Variants in NCDN observed in about 807,000 individuals in gnomAD.
NCDN encodes the protein norbin.
NCDN carries 9 observed loss-of-function variants against 60.7 expected under a neutral mutation model. The observed-to-expected ratio is 0.15, with a 90% CI of 0.09 to 0.26. NCDN has a LOEUF of 0.26. Among genes scored for constraint, NCDN ranks in the 10% least tolerant of loss-of-function variants. NCDN has a pLI of 1.00. For synonymous variants in NCDN, 409 were observed against 442.5 expected, an observed-to-expected ratio of 0.92 and a Z score of 0.95; for missense variants, 578 against 975.2, an observed-to-expected ratio of 0.59 and a Z score of 5.42.
intron 6 of NCDN, among the ~76,000 whole-genome samples, chr1:35,564,900 T>G (rs1472133917): frequency 1.3e-5 from 2 of 151,896 alleles, no homozygotes; most frequent in Non-Finnish European, 2.9e-5. Flanking sequence ...AGGGGTTCTC[T>G]CTCCCATCTG....
In NCDN at chr1:35,563,659, G is replaced by A. The variant is rs955245050; in HGVS notation, c.1611-108G>A. ...CCAATCTCTGCCCCCCAGATGCTAT[G>A]TTTGGGGCCCAAAGTTAATCACCCT... On this transcript the variant is annotated intron_variant, in intron 5 of 6. Transcript: ENST00000373243. This position sits in a 1 kb window ranked among gnomAD's most constrained non-coding sequence, Gnocchi z 6.6. 1 of 1,395,502 alleles carries A rather than the reference G, an allele frequency of 7.2e-7. No individual in the cohort carries two copies. The highest frequency in any genetic ancestry group is 1.4e-5 in the African/African-American group (1 of 69,652). The allele number at this position is 1,395,502 out of a possible 1,614,324, so 86.4% of individuals were successfully genotyped here. A position where few individuals can be genotyped will look rare whatever the true frequency, so the allele number is the denominator to read the frequency against.
chr1:35,563,895 T>G lies in NCDN; in HGVS notation c.1739T>G (p.Leu580Arg). ...ATLGLLMARL[L>R]STSPALQGTP... ...CTGGGGCTCCTCATGGCCCGGCTCC[T>G]TAGCACCTCTCCAGGTAAGAACTGG... The change falls in exon 6 of 7, where the codon CTT becomes CGT. Residue 580 changes from leucine to arginine, a missense_variant. This residue lies in a region of NCDN where 191 missense variants were observed against 372.1 expected (regional missense o/e 0.51). Coordinates refer to ENST00000373243, the MANE Select transcript of NCDN (RefSeq NM_014284.3). The surrounding 1 kb of genome is among the most constrained non-coding windows in gnomAD (Gnocchi z 6.6). 1.2e-6 allele frequency: 2 copies of G among 1,613,890 alleles called. No homozygotes were observed. Among genetic ancestry groups the G allele is most frequent in the Non-Finnish European group, 1.7e-6 (2 of 1,179,882 alleles).
intron 6 of NCDN, among the ~76,000 whole-genome samples, chr1:35,564,391 C>T (rs989031720): frequency 2.6e-5 from 4 of 152,046 alleles, no homozygotes; most frequent in African/African-American, 4.8e-5. Flanking sequence ...GGGGGAGGGA[C>T]GTCCCCTCCA....
In NCDN at chr1:35,561,183, G is replaced by T. The variant is rs1648693382; in HGVS notation, c.1032G>T (p.Gly344=). The T allele has an allele frequency of 1.2e-6, 2 of 1,607,650 alleles. No individual in the cohort carries two copies. Among genetic ancestry groups the T allele is most frequent in the Admixed American group, 1.7e-5 (1 of 58,366 alleles). Residue 344 remains glycine (G), a synonymous_variant, in exon 3 of 7, where the codon GGG becomes GGT. Transcript: ENST00000373243. The surrounding 1 kb of genome is among the most constrained non-coding windows in gnomAD (Gnocchi z 4.9). The part of the protein sequence containing the change: ...VTACYALMEL[G]IQECTRCEQS... The stretch of plus-strand genomic sequence containing the variant: ...CCTGCTATGCCCTCATGGAGTTGGG[G>T]ATCCAGGAATGCACTCGCTGTGAGC...
Position 35,562,748 on chromosome 1 carries a change from T to C in NCDN, c.1385+115T>C. 7.5e-7 allele frequency: 1 copy of C among 1,330,372 alleles called. No homozygotes were observed. Among genetic ancestry groups the C allele is most frequent in the Non-Finnish European group, 1.0e-6 (1 of 989,850 alleles). The allele number at this position is 1,330,372 out of a possible 1,614,324, so 82.4% of individuals were successfully genotyped here. A position where few individuals can be genotyped will look rare whatever the true frequency, so the allele number is the denominator to read the frequency against. On this transcript the variant is annotated intron_variant, in intron 4 of 6. Coordinates refer to ENST00000373243, the MANE Select transcript of NCDN (RefSeq NM_014284.3). This position sits in a 1 kb window ranked among gnomAD's most constrained non-coding sequence, Gnocchi z 6.8. ...CAGGCTTCCTGATTGGGCCATGAGA[T>C]ATCCCTTAGGGTTATTTCTGTTTTG... is the stretch of plus-strand genomic sequence containing the variant.
At position 35,562,185 on chromosome 1, in the gene NCDN, G is replaced by A. The variant is rs1648727528; in HGVS notation, c.1144-207G>A. On this transcript the variant is annotated intron_variant, in intron 3 of 6. Transcript: ENST00000373243. This position sits in a 1 kb window ranked among gnomAD's most constrained non-coding sequence, Gnocchi z 6.8. The stretch of plus-strand genomic sequence containing the variant: ...CTCAGCAGACGTGTGTGGAGGGCCT[G>A]GCTCACTCTGTGCCAGTCCCTTGTG... Among the ~76,000 whole-genome samples the A allele has an allele frequency of 6.6e-6, 1 of 152,212 alleles. No homozygotes were observed. Among genetic ancestry groups the A allele is most frequent in the East Asian group, 1.9e-4 (1 of 5,198 alleles).
In NCDN at chr1:35,560,319, C is replaced by A; in HGVS notation, c.175-7C>A. 6 of 1,611,964 alleles carry A rather than the reference C, an allele frequency of 3.7e-6. No homozygotes were observed. Among genetic ancestry groups the A allele is most frequent in the Non-Finnish European group, 5.1e-6 (6 of 1,179,624 alleles). ...TTCATCCTGATGATAGCACATACCC[C>A]CTATAGGTGACCAAGGCAGTCAAAG... On this transcript the variant is annotated splice_polypyrimidine_tract_variant and splice_region_variant and intron_variant, in intron 2 of 6. Coordinates refer to ENST00000373243, the MANE Select transcript of NCDN (RefSeq NM_014284.3). This position sits in a 1 kb window ranked among gnomAD's most constrained non-coding sequence, Gnocchi z 7.6.
rs571289950 is a variant in NCDN, at chr1:35,563,356, G to C, written c.1540G>C (p.Val514Leu). ...GHDTSVLPDS[V>L]EIGLQTCCHI... ...CGACACCTCGGTGCTGCCTGACAGC[G>C]TGGAGATTGGCCTGCAGACCTGCTG... is the stretch of plus-strand genomic sequence containing the variant. The change falls in exon 5 of 7, where the codon GTG (valine) becomes CTG (leucine). Residue 514 changes from valine (V) to leucine (L), a missense_variant. Around this residue, in one of 3 missense-constraint regions of NCDN, gnomAD observed 191 missense variants for 372.1 expected, o/e 0.51. Coordinates refer to ENST00000373243, the MANE Select transcript of NCDN (RefSeq NM_014284.3). This position sits in a 1 kb window ranked among gnomAD's most constrained non-coding sequence, Gnocchi z 6.6. 6.2e-7 allele frequency: 1 copy of C among 1,614,204 alleles called. No homozygotes were observed. The highest frequency in any genetic ancestry group is 1.3e-5 in the African/African-American group (1 of 75,052).
chr1:35,563,373 G>C lies in NCDN; in HGVS notation c.1557G>C (p.Gln519His). The C allele has an allele frequency of 6.2e-7, 1 of 1,614,186 alleles. No homozygotes were observed. The highest frequency in any genetic ancestry group is 1.3e-5 in the African/African-American group (1 of 75,062). ...VLPDSVEIGL[Q>H]TCCHIFLNLV... Reference sequence around the variant, plus strand: ...CTGACAGCGTGGAGATTGGCCTGCAGACCTGCTGCCACATCTTCCTCAACC... The same window carrying C: ...CTGACAGCGTGGAGATTGGCCTGCACACCTGCTGCCACATCTTCCTCAACC... The change falls in exon 5 of 7, where the codon CAG (glutamine) becomes CAC (histidine). Residue 519 changes from glutamine (Q) to histidine (H), a missense_variant. Gln to His is a conservative substitution (Grantham distance 24, BLOSUM62 0). This residue lies in a region of NCDN where 191 missense variants were observed against 372.1 expected (regional missense o/e 0.51). Transcript: ENST00000373243. This position sits in a 1 kb window ranked among gnomAD's most constrained non-coding sequence, Gnocchi z 6.6.
chr1:35,565,757 C>T lies in NCDN; in HGVS notation c.*94C>T. On this transcript the variant is annotated 3_prime_UTR_variant, in exon 7 of 7. Transcript: ENST00000373243. The surrounding 1 kb of genome is among the most constrained non-coding windows in gnomAD (Gnocchi z 8.9). ...AGCCCCCAATCTGGCCCCCCCCTCC[C>T]CAGACTTCCTCCCCAAAACACCCCA... is the stretch of plus-strand genomic sequence containing the variant. 7.5e-7 allele frequency: 1 copy of T among 1,324,892 alleles called. No individual in the cohort carries two copies. The highest frequency in any genetic ancestry group is 1.0e-6 in the Non-Finnish European group (1 of 991,860). The allele number at this position is 1,324,892 out of a possible 1,614,324, so 82.1% of individuals were successfully genotyped here.
Position 35,558,775 on chromosome 1 carries a change from G to C in NCDN, c.34-332G>C. On this transcript the variant is annotated intron_variant, in intron 1 of 6. Coordinates refer to ENST00000373243, the MANE Select transcript of NCDN (RefSeq NM_014284.3). The surrounding 1 kb of genome is among the most constrained non-coding windows in gnomAD (Gnocchi z 6.3). ...ATAAAACCCAGCCTCCGGTGCCAGG[G>C]GGACAGCTGAGCAGTGGGGCCAGCT... The C allele has an allele frequency of 9.1e-7, 1 of 1,102,198 alleles. No individual in the cohort carries two copies. Among genetic ancestry groups the C allele is most frequent in the Non-Finnish European group, 1.1e-6 (1 of 871,096 alleles). The allele number at this position is 1,102,198 out of a possible 1,614,324, so 68.3% of individuals were successfully genotyped here. A position where few individuals can be genotyped will look rare whatever the true frequency, so the allele number is the denominator to read the frequency against.
In NCDN at chr1:35,566,135, C is replaced by T. The variant is rs1260288454; in HGVS notation, c.*472C>T. ...TTTAAATTGGCCCTTTGGCTCTTGC[C>T]CTTGGCTCCCTTGGGCAGACAGCAG... On this transcript the variant is annotated 3_prime_UTR_variant, in exon 7 of 7. Transcript: ENST00000373243. The surrounding 1 kb of genome is among the most constrained non-coding windows in gnomAD (Gnocchi z 5.3). 1 of 175,116 alleles carries T rather than the reference C, an allele frequency of 5.7e-6. No homozygotes were observed. The highest frequency in any genetic ancestry group is 1.2e-5 in the Non-Finnish European group (1 of 82,274). 10.8% of individuals were successfully genotyped at this position (175,116 alleles called of 1,614,324 possible).
chr1:35,563,812 G>A lies in NCDN; in HGVS notation c.1656G>A (p.Ser552=), dbSNP rs774285827. 1.5e-5 allele frequency: 24 copies of A among 1,613,504 alleles called. No homozygotes were observed. The highest frequency in any genetic ancestry group is 2.2e-5 in the East Asian group (1 of 44,844). The part of the protein sequence containing the change: ...FTSLMNTLMT[S]LPALVQQQGR... Reference sequence around the variant, plus strand: ...CTCTAATGAACACCCTCATGACGTCGCTACCAGCACTAGTGCAGCAACAGG... The same window carrying A: ...CTCTAATGAACACCCTCATGACGTCACTACCAGCACTAGTGCAGCAACAGG... The change falls in exon 6 of 7, where the codon TCG becomes TCA. Residue 552 remains serine, a synonymous_variant. Transcript: ENST00000373243. The surrounding 1 kb of genome is among the most constrained non-coding windows in gnomAD (Gnocchi z 6.6).
rs1557427455 is a variant in NCDN at position 35,565,487 on chromosome 1, G to C, written c.2014G>C (p.Gly672Arg). 1 of 1,595,196 alleles carries C rather than the reference G, an allele frequency of 6.3e-7. No individual in the cohort carries two copies. Among genetic ancestry groups the C allele is most frequent in the Non-Finnish European group, 8.5e-7 (1 of 1,171,300 alleles). The change falls in exon 7 of 7, where the codon GGC (glycine) becomes CGC (arginine). Residue 672 changes from glycine to arginine, a missense_variant. Around this residue, in one of 3 missense-constraint regions of NCDN, gnomAD observed 191 missense variants for 372.1 expected, o/e 0.51. Transcript: ENST00000373243. The surrounding 1 kb of genome is among the most constrained non-coding windows in gnomAD (Gnocchi z 8.9). ...GCCGCAGGAGCTGCTCCAGCTGCTA[G>C]GCAGTGTCAGCCCCAACTCTGTCAA... is the stretch of plus-strand genomic sequence containing the variant. Reference protein sequence around the residue: ...RWPQELLQLLGSVSPNSVKPE... With the variant: ...RWPQELLQLLRSVSPNSVKPE...
Position 35,560,408 on chromosome 1 carries a change from A to G in NCDN, c.257A>G (p.Asn86Ser), listed in dbSNP as rs1648655498. Residue 86 changes from asparagine (N) to serine (S), a missense_variant, in exon 3 of 7, where the codon AAT becomes AGT. Around this residue, in one of 3 missense-constraint regions of NCDN, gnomAD observed 363 missense variants for 583.6 expected, o/e 0.62. Coordinates refer to ENST00000373243, the MANE Select transcript of NCDN (RefSeq NM_014284.3). The surrounding 1 kb of genome is among the most constrained non-coding windows in gnomAD (Gnocchi z 7.6). The part of the protein sequence containing the change: ...IFDAVGFTFP[N>S]RLLTTKEAPD... Reference sequence around the variant, plus strand: ...GATGCTGTCGGCTTCACCTTCCCCAATCGTCTCCTGACCACCAAGGAGGCG... The same window carrying G: ...GATGCTGTCGGCTTCACCTTCCCCAGTCGTCTCCTGACCACCAAGGAGGCG... 5.0e-6 allele frequency: 8 copies of G among 1,613,926 alleles called. No homozygotes were observed. Among genetic ancestry groups the G allele is most frequent in the Non-Finnish European group, 6.8e-6 (8 of 1,180,014 alleles).
chr1:35,558,622 AG>A lies in NCDN; in HGVS notation c.33+401del. On this transcript the variant is annotated intron_variant, in intron 1 of 6. Transcript: ENST00000373243. This position sits in a 1 kb window ranked among gnomAD's most constrained non-coding sequence, Gnocchi z 6.3. ...TCTGCCTCTGAAGAAGGGAGGGGAA[AG>A]GAAGCCTGGGGTGTCCTTTTCTCCC... The A allele has an allele frequency of 8.6e-7, 1 of 1,167,958 alleles. No homozygotes were observed. Among genetic ancestry groups the A allele is most frequent in the South Asian group, 2.6e-5 (1 of 38,544 alleles). 72.3% of individuals were successfully genotyped at this position (1,167,958 alleles called of 1,614,324 possible).
chr1:35,559,061 C>CGTCCCTCCTCTGCAGAGGGATGCTCA (rs1648572912), intron 1 of NCDN, 46 bp from the exon 2 acceptor site: 1 of 1,474,266 alleles, frequency 6.8e-7, no homozygotes, highest in African/African-American at 1.4e-5. Flanking sequence ...ACCCCACCCC[C>CGTCCCTCCTCTGCAGAGGGATGCTCA]GTCCCTCCTC....
rs763108609 is a variant in NCDN, at chr1:35,558,184, TTCA to T, written c.-3_-1del. ...GATCTCATCGCCGCCCTGTCGTGAC[TTCA>T]TCAATGTCGTGTTGTGACCTGGCTG... On this transcript the variant is annotated 5_prime_UTR_variant, in exon 1 of 7. Coordinates refer to ENST00000373243, the MANE Select transcript of NCDN (RefSeq NM_014284.3). This position sits in a 1 kb window ranked among gnomAD's most constrained non-coding sequence, Gnocchi z 6.3. The T allele has an allele frequency of 6.2e-7, 1 of 1,614,106 alleles. No homozygotes were observed. The highest frequency in any genetic ancestry group is 8.5e-7 in the Non-Finnish European group (1 of 1,180,006).
Position 35,562,762 on chromosome 1 carries a change from A to G in NCDN, c.1385+129A>G, listed in dbSNP as rs775998722. On this transcript the variant is annotated intron_variant, in intron 4 of 6. Coordinates refer to ENST00000373243, the MANE Select transcript of NCDN (RefSeq NM_014284.3). This position sits in a 1 kb window ranked among gnomAD's most constrained non-coding sequence, Gnocchi z 6.8. Reference sequence around the variant, plus strand: ...GGGCCATGAGATATCCCTTAGGGTTATTTCTGTTTTGGGGGGCTTGTTCCC... The same window carrying G: ...GGGCCATGAGATATCCCTTAGGGTTGTTTCTGTTTTGGGGGGCTTGTTCCC... 1.5e-5 allele frequency: 20 copies of G among 1,319,868 alleles called. No individual in the cohort carries two copies. The highest frequency in any genetic ancestry group is 6.4e-5 in the South Asian group (4 of 62,838). The allele number at this position is 1,319,868 out of a possible 1,614,324, so 81.8% of individuals were successfully genotyped here. A position where few individuals can be genotyped will look rare whatever the true frequency, so the allele number is the denominator to read the frequency against.
Sources: allele counts gnomAD v4.1 joint callset (sites outside exome capture counted in the v4.1 genomes callset), GRCh38; gene constraint gnomAD v4.1.1; regional missense constraint gnomAD v4.1.1; non-coding constraint Gnocchi (gnomAD v3.1); transcripts MANE v1.5; gene names NCBI Gene and HGNC (gene_info 2026-07-23, HGNC 2026-07-21).